The following KLHL1 variants were observed in gnomAD, a reference collection of about 807,000 sequenced individuals.
KLHL1 encodes kelch like family member 1.
KLHL1 carries 47 observed loss-of-function variants against 77.7 expected under a neutral mutation model. The ratio of observed to expected loss-of-function variants is 0.60; its 90% CI spans 0.48 to 0.77. The LOEUF (loss-of-function observed/expected upper bound fraction) is 0.77. KLHL1 is among the 30% of genes least tolerant of loss of function. KLHL1 has a pLI of 0.00. For synonymous variants in KLHL1, 360 were observed against 325.2 expected (o/e 1.11, Z -1.15); for missense variants, 925 against 910.8 (o/e 1.02, Z -0.20).
chr13:69,734,286 T>A (rs1347147811), intron 8 of KLHL1, among the ~76,000 whole-genome samples: 3 of 152,146 alleles, frequency 2.0e-5, no homozygotes, highest in Non-Finnish European at 4.4e-5. Flanking sequence ...CATTGTAAGT[T>A]TCCTGAGGCC....
intron 3 of KLHL1, among the ~76,000 whole-genome samples, chr13:69,958,366 G>A (rs1448838831): frequency 6.6e-6 from 1 of 151,724 alleles, no homozygotes; most frequent in Non-Finnish European, 1.5e-5. Context: ...AATGTTGGAT[G>A]AGTTCAACAT....
At chr13:69,912,793 A>T (rs2138246393) in intron 4 of KLHL1, among the ~76,000 whole-genome samples, 1 of 152,162 alleles carries the variant, frequency 6.6e-6, no homozygotes, top group African/African-American at 2.4e-5. Flanking sequence ...CCACTGTCAC[A>T]GTCCCTTGGC....
At chr13:69,826,732 TA>T (rs1375348267) in intron 6 of KLHL1, among the ~76,000 whole-genome samples, 1 of 151,986 alleles carries the variant, frequency 6.6e-6, no homozygotes, top group African/African-American at 2.4e-5. Context: ...CTTAAATATA[TA>T]AAACCCTTAT....
intron 1 of KLHL1, among the ~76,000 whole-genome samples, chr13:70,011,913 G>A (rs2137339245): frequency 6.6e-6 from 1 of 152,278 alleles, no homozygotes; most frequent in South Asian, 2.1e-4. Context: ...TCACGTGGCT[G>A]GGAGGCTTCA....
chr13:69,944,417 T>C (rs1242871883), intron 3 of KLHL1, among the ~76,000 whole-genome samples: 1 of 152,204 alleles, frequency 6.6e-6, no homozygotes, highest in Non-Finnish European at 1.5e-5. Flanking sequence ...TAGTTTACCT[T>C]TTCTGATTGT....
At chr13:69,859,817 C>T (rs142106747) in intron 5 of KLHL1, among the ~76,000 whole-genome samples, 27 of 152,156 alleles carry the variant, frequency 1.8e-4, no homozygotes, top group Admixed American at 1.5e-3. Context: ...CAGTAGAATG[C>T]GTTTTGCATA....
intron 2 of KLHL1, among the ~76,000 whole-genome samples, chr13:69,968,990 T>A (rs1165416278): frequency 6.6e-6 from 1 of 152,118 alleles, no homozygotes; most frequent in Non-Finnish European, 1.5e-5. Flanking sequence ...TTCCTAAGAA[T>A]ACTATAAGAG....
intron 1 of KLHL1, among the ~76,000 whole-genome samples, chr13:69,988,054 C>A (rs1201881471): frequency 6.6e-6 from 1 of 151,640 alleles, no homozygotes; most frequent in Admixed American, 6.6e-5. Context: ...TATTTTGTCA[C>A]CCAGGTACAA....
chr13:69,933,054 T>C (rs9542121), intron 4 of KLHL1, among the ~76,000 whole-genome samples: 133,020 of 151,886 alleles, frequency 0.88, 58,926 homozygotes, highest in Non-Finnish European at 0.95. Context: ...TTTACTTAGT[T>C]CTTTTCAACA....
At chr13:69,716,392 C>A (rs759093261) in intron 9 of KLHL1, among the ~76,000 whole-genome samples, 5 of 151,312 alleles carry the variant, frequency 3.3e-5, no homozygotes, top group African/African-American at 9.8e-5. Flanking sequence ...CAGCACATGG[C>A]ACCTAGTTTA....
intron 1 of KLHL1, among the ~76,000 whole-genome samples, chr13:69,976,439 A>G (rs953918432): frequency 6.6e-6 from 1 of 152,162 alleles, no homozygotes; most frequent in Admixed American, 6.6e-5. Context: ...TGGAAAGTCC[A>G]TGATACTTAA....
chr13:69,982,473 TAATAA>T (rs1255089603), intron 1 of KLHL1, among the ~76,000 whole-genome samples: 54 of 134,174 alleles, frequency 4.0e-4, no homozygotes, highest in African/African-American at 1.8e-3. Context: ...ATAATAATAA[TAATAA>T]TAAAATAAAA....
chr13:70,096,646 G>GT (rs5804473), intron 1 of KLHL1, among the ~76,000 whole-genome samples: 140,123 of 148,630 alleles, frequency 0.94, 66,456 homozygotes, highest in East Asian at 1. Flanking sequence ...AAAGTTAGCT[G>GT]TTTTTTTTTT....
At chr13:70,012,907 AAAT>A (rs916629298) in intron 1 of KLHL1, among the ~76,000 whole-genome samples, 3 of 151,362 alleles carry the variant, frequency 2.0e-5, no homozygotes, top group African/African-American at 4.9e-5. Flanking sequence ...TGTATAAAAA[AAAT>A]AATAATAATA....
intron 7 of KLHL1, among the ~76,000 whole-genome samples, chr13:69,759,469 T>C (rs1022457001): frequency 4.6e-5 from 7 of 152,224 alleles, no homozygotes; most frequent in Admixed American, 3.9e-4. Flanking sequence ...GACATTTCTG[T>C]TTTATTTTAC....
At chr13:70,058,210 T>G (rs1007727012) in intron 1 of KLHL1, among the ~76,000 whole-genome samples, 1 of 152,214 alleles carries the variant, frequency 6.6e-6, no homozygotes, top group Non-Finnish European at 1.5e-5. Flanking sequence ...ACCACTGTTA[T>G]TCAACATCGT....
rs1324246935 is a variant in KLHL1, at chr13:70,084,461, C to CTTTTTTTTTTTTT, written c.497+22741_497+22742insAAAAAAAAAAAAA. 9.1e-3 allele frequency among the ~76,000 whole-genome samples: 1,047 copies of CTTTTTTTTTTTTT among 114,940 alleles called. 102 individuals are homozygous for CTTTTTTTTTTTTT. Among genetic ancestry groups the CTTTTTTTTTTTTT allele is most frequent in the Middle Eastern group, 0.016 (3 of 182 alleles). 75.4% of individuals were successfully genotyped at this position (114,940 alleles called of 152,430 possible). A position where few individuals can be genotyped will look rare whatever the true frequency, so the allele number is the denominator to read the frequency against. On this transcript the variant is annotated intron_variant, in intron 1 of 10. Coordinates refer to ENST00000377844, the MANE Select transcript of KLHL1 (RefSeq NM_020866.3). ...GATATTTTCTAGTCTATTTCTTCTT[C>CTTTTTTTTTTTTT]TTCTTTTTTTTTTTTTGAGACGGAG...
chr13:69,911,587 CA>C lies in KLHL1; in HGVS notation c.1014+28452del, dbSNP rs201525188. Among the ~76,000 whole-genome samples, 1,088 of 146,818 alleles carry C rather than the reference CA, an allele frequency of 7.4e-3. 10 individuals are homozygous for C. The highest frequency in any genetic ancestry group is 0.013 in the Non-Finnish European group (897 of 66,814). ...CATCAAGAAAAAAAAAAAAAAAGCCCAAAGCACTAATAGTAACTCAAACAAT... is the reference window on the plus strand; with the variant it reads ...CATCAAGAAAAAAAAAAAAAAAGCCCAAGCACTAATAGTAACTCAAACAAT... On this transcript the variant is annotated intron_variant, in intron 4 of 10. Transcript: ENST00000377844.
chr13:70,043,993 C>T (rs1047139078), intron 1 of KLHL1, among the ~76,000 whole-genome samples: 5 of 152,176 alleles, frequency 3.3e-5, no homozygotes, highest in African/African-American at 1.2e-4. Context: ...CATTTTTGTT[C>T]CATAGCAGTA....
Sources: gnomAD v4.1 joint callset for allele counts (sites outside exome capture counted in the v4.1 genomes callset) on GRCh38, gnomAD v4.1.1 for gene constraint, MANE v1.5 for transcripts, NCBI Gene and HGNC (gene_info 2026-07-23, HGNC 2026-07-21) for gene names.